SNX8: variants seen among roughly 807,000 people sequenced by gnomAD.
SNX8 encodes the protein sorting nexin-8.
SNX8 carries 25 observed loss-of-function variants against 51.6 expected under a neutral mutation model. The ratio of observed to expected loss-of-function variants is 0.48; its 90% CI spans 0.35 to 0.68. The LOEUF (loss-of-function observed/expected upper bound fraction) is 0.68. SNX8 is among the 30% of genes least tolerant of loss of function. The probability of loss-of-function intolerance (pLI) is 0.00; values close to 1 mark genes in which losing one functional copy is unlikely to be tolerated. For missense variants in SNX8, 695 were observed against 624.0 expected (o/e 1.11, Z -1.21); for synonymous variants, 324 against 277.0 (o/e 1.17, Z -1.68).
intron 10 of SNX8, 102 bp from the exon 11 acceptor site, chr7:2,255,271 G>A (rs1795150109): frequency 2.8e-6 from 2 of 720,324 alleles, no homozygotes; most frequent in East Asian, 2.8e-5. Context: ...GGAGGGAGGG[G>A]CCCTCAGGTG....
chr7:2,296,693 G>A (rs914137856), intron 1 of SNX8, among the ~76,000 whole-genome samples: 17 of 151,900 alleles, frequency 1.1e-4, no homozygotes, highest in African/African-American at 4.1e-4. Context: ...CACTTTGGGA[G>A]GCCGAGGCGG....
At chr7:2,320,936 C>G (rs936275284) in intron 1 of SNX8, among the ~76,000 whole-genome samples, 14 of 152,146 alleles carry the variant, frequency 9.2e-5, no homozygotes, top group African/African-American at 3.1e-4. Flanking sequence ...AAGAGAATAG[C>G]TTGAACCCGG....
chr7:2,283,847 G>A (rs1414424640), intron 1 of SNX8, among the ~76,000 whole-genome samples: 1 of 152,232 alleles, frequency 6.6e-6, no homozygotes, highest in Admixed American at 6.5e-5. Flanking sequence ...CCAAGCTAGA[G>A]TGCAGTGGCA....
At position 2,308,352 on chromosome 7, in the gene SNX8, C is replaced by G. The variant is rs145857535; in HGVS notation, c.94+5976G>C. 4.0e-3 allele frequency among the ~76,000 whole-genome samples: 609 copies of G among 151,812 alleles called. 3 individuals carry two copies. The highest frequency in any genetic ancestry group is 0.014 in the African/African-American group (573 of 41,402). ...TGTAAAAAAAATAAAAATAAGTTTG[C>G]TCATCAGGAGTTTACTACCAAAATA... On this transcript the variant is annotated intron_variant, in intron 1 of 10. Coordinates refer to ENST00000222990, the MANE Select transcript of SNX8 (RefSeq NM_013321.4).
In SNX8 at chr7:2,264,915, A is replaced by G. The variant is rs571035067; in HGVS notation, c.622-457T>C. ...CTGGGCATGGCGGCATGCACCTGTA[A>G]TCCCAGCTACTCCAGAGGCTGAGAC... On this transcript the variant is annotated intron_variant, in intron 5 of 10. Coordinates refer to ENST00000222990, the MANE Select transcript of SNX8 (RefSeq NM_013321.4). 1.9e-4 allele frequency among the ~76,000 whole-genome samples: 29 copies of G among 152,196 alleles called. No homozygotes were observed. In the South Asian group the frequency reaches 4.4e-3, roughly 23 times the overall value.
chr7:2,295,201 C>T (rs866327638), intron 1 of SNX8, among the ~76,000 whole-genome samples: 13 of 151,784 alleles, frequency 8.6e-5, no homozygotes, highest in African/African-American at 2.7e-4. Context: ...GTCAGGAGTT[C>T]GAGACCAGCC....
rs756338994 is a variant in SNX8 at position 2,256,923 on chromosome 7, G to A, written c.1235C>T (p.Ser412Phe). Reference protein sequence around the residue: ...QLIHVYLPLTSHILRAFVNSQ... With the variant: ...QLIHVYLPLTFHILRAFVNSQ... ...GTTGACGAAGGCGCGGAGGATGTGG[G>A]AGGTGAGGGGCAGGTAGACGTGGAT... Residue 412 changes from serine to phenylalanine, a missense_variant, in exon 10 of 11, where the codon TCC becomes TTC. Coordinates refer to ENST00000222990, the MANE Select transcript of SNX8 (RefSeq NM_013321.4). 3.2e-5 allele frequency: 51 copies of A among 1,613,628 alleles called. No individual in the cohort carries two copies. The highest frequency in any genetic ancestry group is 8.3e-5 in the Admixed American group (5 of 59,982).
At chr7:2,293,322 AT>A (rs1796195489) in intron 1 of SNX8, among the ~76,000 whole-genome samples, 1 of 151,312 alleles carries the variant, frequency 6.6e-6, no homozygotes, top group Admixed American at 6.6e-5. Flanking sequence ...TTGAATAGTC[AT>A]TTATCTAAAG....
At chr7:2,282,893 G>A (rs530941396) in intron 1 of SNX8, among the ~76,000 whole-genome samples, 6 of 152,204 alleles carry the variant, frequency 3.9e-5, no homozygotes, top group South Asian at 2.1e-4. Context: ...AGGCCGAGGC[G>A]GGTGGATCAC....
chr7:2,289,219 T>A (rs916244818), intron 1 of SNX8, among the ~76,000 whole-genome samples: 1 of 152,118 alleles, frequency 6.6e-6, no homozygotes, highest in African/African-American at 2.4e-5. Flanking sequence ...GCGGGGCATC[T>A]GGGAGGGTTC....
chr7:2,313,100 C>T (rs1477710661), intron 1 of SNX8, among the ~76,000 whole-genome samples: 1 of 151,778 alleles, frequency 6.6e-6, no homozygotes, highest in Non-Finnish European at 1.5e-5. Context: ...AGGGTTTCAC[C>T]GTGTTAGCCA....
chr7:2,299,733 G>A (rs533700062), intron 1 of SNX8, among the ~76,000 whole-genome samples: 30 of 152,024 alleles, frequency 2.0e-4, no homozygotes, highest in Non-Finnish European at 3.8e-4. Context: ...AAGTGACTCC[G>A]GTTTTTTTCT....
chr7:2,339,263 C>T (rs1023335741), intron 1 of SNX8, among the ~76,000 whole-genome samples: 12 of 151,958 alleles, frequency 7.9e-5, no homozygotes, highest in South Asian at 6.2e-4. Context: ...TGGAGTGCAG[C>T]GGCACGATCT....
At chr7:2,305,336 A>G (rs1184643184) in intron 1 of SNX8, among the ~76,000 whole-genome samples, 1 of 152,122 alleles carries the variant, frequency 6.6e-6, no homozygotes, top group East Asian at 1.9e-4. Context: ...TAGGAACCTC[A>G]GGTTTTCCCC....
chr7:2,292,450 C>T (rs1382096160), intron 1 of SNX8, among the ~76,000 whole-genome samples: 2 of 150,874 alleles, frequency 1.3e-5, no homozygotes, highest in African/African-American at 2.4e-5. Context: ...CTTGCTCTGT[C>T]GCCCAGGCTG....
chr7:2,265,795 G>A (rs2115106210), intron 5 of SNX8, among the ~76,000 whole-genome samples: 1 of 152,278 alleles, frequency 6.6e-6, no homozygotes, highest in South Asian at 2.1e-4. Flanking sequence ...TCAGAAAACA[G>A]AAAGCTCAGA....
At chr7:2,270,415 C>T (rs1795617002) in intron 4 of SNX8, among the ~76,000 whole-genome samples, 1 of 149,496 alleles carries the variant, frequency 6.7e-6, no homozygotes, top group Non-Finnish European at 1.5e-5. Flanking sequence ...TCGCTGGAGC[C>T]CAGGGGTTCA....
intron 1 of SNX8, among the ~76,000 whole-genome samples, chr7:2,325,298 G>A (rs775762837): frequency 7.9e-5 from 12 of 152,166 alleles, no homozygotes; most frequent in South Asian, 6.2e-4. Flanking sequence ...GCACCATCAC[G>A]CCAGCGGCAG....
chr7:2,341,613 A>C (rs1172162911), intron 1 of SNX8, among the ~76,000 whole-genome samples: 1 of 152,098 alleles, frequency 6.6e-6, no homozygotes, highest in Admixed American at 6.6e-5. Flanking sequence ...TAGAGGCTGC[A>C]GTGAGCCATG....
Sources: allele counts gnomAD v4.1 joint callset (sites outside exome capture counted in the v4.1 genomes callset), GRCh38; gene constraint gnomAD v4.1.1; transcripts MANE v1.5; gene names NCBI Gene and HGNC (gene_info 2026-07-23, HGNC 2026-07-21).